The following PDLIM3 variants were observed in gnomAD, a reference collection of about 807,000 sequenced individuals.
The protein encoded by PDLIM3 is PDZ and LIM domain 3.
In PDLIM3, 36 loss-of-function variants were observed where a neutral mutation model predicts 37.3. The observed-to-expected ratio is 0.97, with a 90% CI of 0.74 to 1.28. The LOEUF is 1.28. PDLIM3 is among the 50% of genes most tolerant of loss of function. The probability of loss-of-function intolerance (pLI) is 0.00; values close to 1 mark genes in which losing one functional copy is unlikely to be tolerated. For missense variants in PDLIM3, 454 were observed against 485.0 expected, an observed-to-expected ratio of 0.94 and a Z score of 0.60; for synonymous variants, 174 against 182.4, an observed-to-expected ratio of 0.95 and a Z score of 0.37.
chr4:185,504,154 G>A lies in PDLIM3; in HGVS notation c.905+321C>T, dbSNP rs552122560. Among the ~76,000 whole-genome samples, 2 of 152,162 alleles carry A rather than the reference G, an allele frequency of 1.3e-5. No homozygotes were observed. The highest frequency in any genetic ancestry group is 4.2e-4 in the South Asian group (2 of 4,808). On this transcript the variant is annotated intron_variant, in intron 7 of 7. Transcript: ENST00000284767. The surrounding 1 kb of genome is among the most constrained non-coding windows in gnomAD (Gnocchi z 4.7). ...TGTATGCATTTACTAAACACTATAC[G>A]TTAACAGGGGTGGGGGAGTTTAAAG...
chr4:185,535,337 C>T lies in PDLIM3; in HGVS notation c.93+5G>A, dbSNP rs794729097. 1 of 1,605,496 alleles carries T rather than the reference C, an allele frequency of 6.2e-7. No individual in the cohort carries two copies. ...CGCAGCAAAAGCAAGAATGCCGACA[C>T]CTACCCTGGTGATGACCAAAGGCTG... is the stretch of plus-strand genomic sequence containing the variant. On this transcript the variant is annotated splice_donor_5th_base_variant and intron_variant, in intron 1 of 7. Transcript: ENST00000284767.
chr4:185,503,210 C>T (rs571428469), intron 7 of PDLIM3, among the ~76,000 whole-genome samples: 7 of 149,890 alleles, frequency 4.7e-5, no homozygotes, highest in East Asian at 2.0e-4. Context: ...GGCGACAGAG[C>T]GAGACTGTCT....
At position 185,502,176 on chromosome 4, in the gene PDLIM3, C is replaced by T; in HGVS notation, c.*118G>A. On this transcript the variant is annotated 3_prime_UTR_variant, in exon 8 of 8. Coordinates refer to ENST00000284767, the MANE Select transcript of PDLIM3 (RefSeq NM_014476.6). ...TAAACAATAGGATAAAGGTCTAAAG[C>T]CTTGACTTTAGATTTGGAGTTGACA... 1 of 1,035,818 alleles carries T rather than the reference C, an allele frequency of 9.7e-7. No individual in the cohort carries two copies. The highest frequency in any genetic ancestry group is 1.3e-5 in the South Asian group (1 of 77,768). 64.2% of individuals were successfully genotyped at this position (1,035,818 alleles called of 1,614,324 possible).
chr4:185,513,698 G>C, intron 4 of PDLIM3: 2 of 1,009,682 alleles, frequency 2.0e-6, no homozygotes, highest in Non-Finnish European at 1.2e-6. Flanking sequence ...CAGAAGGATG[G>C]AACAGAGGTT....
rs1343442539 is a variant in PDLIM3, at chr4:185,508,383, G to A, written c.578C>T (p.Pro193Leu). Residue 193 changes from proline to leucine, a missense_variant, in exon 5 of 8, where the codon CCT becomes CTT. By Grantham distance (98) the Pro-to-Leu change is moderately conservative (BLOSUM62 -3). Transcript: ENST00000284767. ...ATTGTCATCTGAGTACAACTGCATA[G>A]GTGTATTAAACTGAGCATGTACAAT... ...VKIVHAQFNT[P>L]MQLYSDDNIM... 6.2e-7 allele frequency: 1 copy of A among 1,614,004 alleles called. No homozygotes were observed. The highest frequency in any genetic ancestry group is 1.1e-5 in the South Asian group (1 of 91,074).
At chr4:185,518,456 TTTATATATAATATGTATACA>T (rs2095718002) in intron 3 of PDLIM3, among the ~76,000 whole-genome samples, 2 of 152,020 alleles carry the variant, frequency 1.3e-5, no homozygotes, top group South Asian at 2.1e-4. Flanking sequence ...CACATATATA[TTTATATATAATATGTATACA>T]TATGTGTATA....
In PDLIM3 at chr4:185,514,157, C is replaced by G. The variant is rs1561195538; in HGVS notation, c.398+113G>C. The G allele has an allele frequency of 5.0e-6, 8 of 1,594,774 alleles. No individual in the cohort carries two copies. Among genetic ancestry groups the G allele is most frequent in the Middle Eastern group, 3.3e-4 (2 of 6,050 alleles). On this transcript the variant is annotated intron_variant, in intron 4 of 7. Transcript: ENST00000284767. The surrounding 1 kb of genome is among the most constrained non-coding windows in gnomAD (Gnocchi z 4.0). ...TGTTTCTTTTTGCTTTTGAAATAAG[C>G]TTCGCAATGAGAAAAGCCACTCCAA...
intron 3 of PDLIM3, among the ~76,000 whole-genome samples, chr4:185,520,165 C>T (rs1181265924): frequency 6.6e-6 from 1 of 152,218 alleles, no homozygotes; most frequent in Non-Finnish European, 1.5e-5. Flanking sequence ...GCAGGAGATA[C>T]ACTGCAATTT....
intron 1 of PDLIM3, among the ~76,000 whole-genome samples, chr4:185,525,638 C>A (rs1028048960): frequency 1.3e-5 from 2 of 152,084 alleles, no homozygotes; most frequent in African/African-American, 2.4e-5. Flanking sequence ...TTATCTCCCC[C>A]CAAAACTCAA....
chr4:185,510,993 G>A (rs934613330), intron 4 of PDLIM3, among the ~76,000 whole-genome samples: 1 of 152,242 alleles, frequency 6.6e-6, no homozygotes, highest in South Asian at 2.1e-4. Context: ...GTGCTAATGA[G>A]ATTTTCTGGG....
At chr4:185,503,766 G>C (rs535075713) in intron 7 of PDLIM3, among the ~76,000 whole-genome samples, 1 of 152,142 alleles carries the variant, frequency 6.6e-6, no homozygotes, top group South Asian at 2.1e-4. Flanking sequence ...TGGCCAACAC[G>C]GTGAAACCCC....
At chr4:185,533,324 T>A (rs2095747979) in intron 1 of PDLIM3, among the ~76,000 whole-genome samples, 1 of 152,244 alleles carries the variant, frequency 6.6e-6, no homozygotes, top group Non-Finnish European at 1.5e-5. Context: ...TTTTCTGTAA[T>A]ACTTTTTATT....
At position 185,524,652 on chromosome 4, in the gene PDLIM3, CTCCATTCCAT is replaced by C. The variant is rs879898369; in HGVS notation, c.245+358_245+367del. Among the ~76,000 whole-genome samples the C allele has an allele frequency of 1.1e-3, 167 of 152,240 alleles. 1 individual carries two copies. Among genetic ancestry groups the C allele is most frequent in the Non-Finnish European group, 1.9e-3 (129 of 67,996 alleles). ...TCAAGAGATTATTTCAGGGGAATCT[CTCCATTCCAT>C]TCCATTCCATTCCATTCTCTACCAC... On this transcript the variant is annotated intron_variant, in intron 2 of 7. Transcript: ENST00000284767.
At chr4:185,534,480 C>A (rs988616270) in intron 1 of PDLIM3, among the ~76,000 whole-genome samples, 3 of 152,098 alleles carry the variant, frequency 2.0e-5, no homozygotes, top group South Asian at 2.1e-4. Flanking sequence ...TAGAAAAAAA[C>A]CAGCTAGACC....
intron 4 of PDLIM3, among the ~76,000 whole-genome samples, chr4:185,509,060 C>G (rs1482752736): frequency 6.6e-6 from 1 of 152,158 alleles, no homozygotes; most frequent in Non-Finnish European, 1.5e-5. Flanking sequence ...CATATTTGGG[C>G]TCAACATTTC....
intron 6 of PDLIM3, among the ~76,000 whole-genome samples, chr4:185,506,208 G>A (rs2095696797): frequency 1.3e-5 from 2 of 152,222 alleles, no homozygotes; most frequent in South Asian, 4.1e-4. Context: ...GGGGGAGGCT[G>A]AGAAGTTTGA....
In PDLIM3 at chr4:185,523,449, G is replaced by A; in HGVS notation, c.246-3C>T. 1 of 1,577,300 alleles carries A rather than the reference G, an allele frequency of 6.3e-7. No individual in the cohort carries two copies. The highest frequency in any genetic ancestry group is 8.7e-7 in the Non-Finnish European group (1 of 1,147,740). On this transcript the variant is annotated splice_region_variant and splice_polypyrimidine_tract_variant and intron_variant, in intron 2 of 7. Coordinates refer to ENST00000284767, the MANE Select transcript of PDLIM3 (RefSeq NM_014476.6). ...GAGACCATAAGTGAGTTTCTCCCCT[G>A]GAAATAAAATAAAATTTGTAAACTT...
chr4:185,502,195 G>A lies in PDLIM3; in HGVS notation c.*99C>T. On this transcript the variant is annotated 3_prime_UTR_variant, in exon 8 of 8. Transcript: ENST00000284767. Reference sequence around the variant, plus strand: ...CTAAAGCCTTGACTTTAGATTTGGAGTTGACAATCTGCACAATCCTTCTGC... The same window carrying A: ...CTAAAGCCTTGACTTTAGATTTGGAATTGACAATCTGCACAATCCTTCTGC... 2 of 1,236,164 alleles carry A rather than the reference G, an allele frequency of 1.6e-6. No homozygotes were observed. Among genetic ancestry groups the A allele is most frequent in the Non-Finnish European group, 2.4e-6 (2 of 850,068 alleles). 76.6% of individuals were successfully genotyped at this position (1,236,164 alleles called of 1,614,324 possible). A position where few individuals can be genotyped will look rare whatever the true frequency, so the allele number is the denominator to read the frequency against.
At chr4:185,524,476 G>A (rs759068820) in intron 2 of PDLIM3, among the ~76,000 whole-genome samples, 4 of 152,114 alleles carry the variant, frequency 2.6e-5, no homozygotes, top group Non-Finnish European at 5.9e-5. Context: ...GTTTTTGGGG[G>A]GTGGGGTCAG....
Sources: gnomAD v4.1 joint callset for allele counts (sites outside exome capture counted in the v4.1 genomes callset) on GRCh38, gnomAD v4.1.1 for gene constraint, Gnocchi (gnomAD v3.1) non-coding constraint, MANE v1.5 for transcripts, NCBI Gene and HGNC (gene_info 2026-07-23, HGNC 2026-07-21) for gene names.